SNTG2: variants seen among roughly 807,000 people sequenced by gnomAD.
SNTG2 encodes syntrophin gamma 2.
In SNTG2, 74 loss-of-function variants were observed where a neutral mutation model predicts 70.9. The observed-to-expected ratio is 1.04, with a 90% CI of 0.86 to 1.27. The LOEUF is 1.27. SNTG2 is among the 50% of genes most tolerant of loss of function. The pLI, the probability that SNTG2 is intolerant of heterozygous loss-of-function variation, is 0.00. For synonymous variants in SNTG2, 278 were observed against 273.8 expected (o/e 1.02, Z -0.15); for missense variants, 717 against 690.7 (o/e 1.04, Z -0.43).
chr2:1,244,122 C>G (rs531148383), intron 11 of SNTG2, among the ~76,000 whole-genome samples: 1 of 150,328 alleles, frequency 6.7e-6, no homozygotes, highest in South Asian at 2.1e-4. Context: ...CTTTAAATCT[C>G]TCTACCCCGT....
At chr2:1,180,906 A>C (rs1671841410) in intron 8 of SNTG2, among the ~76,000 whole-genome samples, 1 of 152,184 alleles carries the variant, frequency 6.6e-6, no homozygotes, top group Non-Finnish European at 1.5e-5. Flanking sequence ...TGATGAGTTC[A>C]TGTCCTTTAT....
intron 1 of SNTG2, among the ~76,000 whole-genome samples, chr2:988,604 G>A (rs1661401466): frequency 6.6e-6 from 1 of 152,164 alleles, no homozygotes; most frequent in African/African-American, 2.4e-5. Flanking sequence ...TTAGGCAGTT[G>A]TGAATAAAGT....
chr2:1,236,172 T>G (rs1676644414), intron 9 of SNTG2, among the ~76,000 whole-genome samples: 1 of 152,238 alleles, frequency 6.6e-6, no homozygotes, highest in South Asian at 2.1e-4. Flanking sequence ...AGTTAGCACT[T>G]ACTTTAATAA....
chr2:1,038,661 G>A (rs1661266087), intron 1 of SNTG2, among the ~76,000 whole-genome samples: 1 of 152,182 alleles, frequency 6.6e-6, no homozygotes. Context: ...TTATAAAATA[G>A]TAACTGTAAT....
chr2:1,100,064 A>G (rs138939485), intron 4 of SNTG2, among the ~76,000 whole-genome samples: 1 of 152,174 alleles, frequency 6.6e-6, no homozygotes, highest in Non-Finnish European at 1.5e-5. Context: ...TTTAAGTGTG[A>G]TAAGAAATAC....
At chr2:1,257,553 CA>C (rs1678193743) in intron 12 of SNTG2, among the ~76,000 whole-genome samples, 1 of 152,178 alleles carries the variant, frequency 6.6e-6, no homozygotes, top group Non-Finnish European at 1.5e-5. Context: ...CTTCTGCGAA[CA>C]ACAAAGAGCA....
rs549768267 is a variant in SNTG2, at chr2:1,085,960, G to A, written c.210+2305G>A. 2.8e-4 allele frequency among the ~76,000 whole-genome samples: 42 copies of A among 152,330 alleles called. No homozygotes were observed. In the South Asian group the frequency reaches 8.7e-3, roughly 32 times the overall value. ...TATGTTAGGTCACGGTAGATTTGCA[G>A]TTGGAAAGTATTTTAGAAAATTTCA... On this transcript the variant is annotated intron_variant, in intron 2 of 16. Coordinates refer to ENST00000308624, the MANE Select transcript of SNTG2 (RefSeq NM_018968.4).
chr2:1,243,991 A>C (rs76106444), intron 11 of SNTG2, among the ~76,000 whole-genome samples: 4,230 of 152,198 alleles, frequency 0.028, 197 homozygotes, highest in African/African-American at 0.097. Context: ...GTGCCACTGC[A>C]CTCCAGCCCG....
rs539489302 is a variant in SNTG2, at chr2:1,065,351, G to C, written c.73-18167G>C. Among the ~76,000 whole-genome samples, 226 of 152,198 alleles carry C rather than the reference G, an allele frequency of 1.5e-3. 1 individual carries two copies. The highest frequency in any genetic ancestry group is 3.4e-3 in the Middle Eastern group (1 of 294). On this transcript the variant is annotated intron_variant, in intron 1 of 16. Coordinates refer to ENST00000308624, the MANE Select transcript of SNTG2 (RefSeq NM_018968.4). ...TTGTCTAAACCATAAATAGTCACAG[G>C]GAACATATTCATGATTACATTGAGA...
chr2:1,223,556 C>T (rs1675513712), intron 9 of SNTG2, among the ~76,000 whole-genome samples: 1 of 152,214 alleles, frequency 6.6e-6, no homozygotes, highest in African/African-American at 2.4e-5. Context: ...GAACCCCTCA[C>T]CTCAATTTCC....
At chr2:1,297,257 C>T (rs887055669) in intron 14 of SNTG2, among the ~76,000 whole-genome samples, 6 of 152,210 alleles carry the variant, frequency 3.9e-5, no homozygotes, top group African/African-American at 1.2e-4. Flanking sequence ...ATACTCATCA[C>T]CTGAAGGTGG....
At position 1,353,328 on chromosome 2, in the gene SNTG2, G is replaced by A. The variant is rs759130371; in HGVS notation, c.1489-14015G>A. ...TACAGCCTCATCGTATAAACATAAG[G>A]AAGTGCCTGGGGCCCTGGCTTGGAC... On this transcript the variant is annotated intron_variant, in intron 16 of 16. Coordinates refer to ENST00000308624, the MANE Select transcript of SNTG2 (RefSeq NM_018968.4). The surrounding 1 kb of genome is among the most constrained non-coding windows in gnomAD (Gnocchi z 4.2). 5.3e-5 allele frequency among the ~76,000 whole-genome samples: 8 copies of A among 152,182 alleles called. No homozygotes were observed. The highest frequency in any genetic ancestry group is 7.3e-5 in the Non-Finnish European group (5 of 68,048).
chr2:1,257,702 G>A (rs900733757), intron 12 of SNTG2, among the ~76,000 whole-genome samples: 1 of 152,174 alleles, frequency 6.6e-6, no homozygotes. Context: ...ATCACAGCAC[G>A]ATGACAGCGG....
chr2:1,235,670 C>A (rs1187550911), intron 9 of SNTG2, among the ~76,000 whole-genome samples: 9 of 152,330 alleles, frequency 5.9e-5, no homozygotes, highest in African/African-American at 1.9e-4. Context: ...CCCCACGCTG[C>A]CCCAGGATCC....
chr2:1,003,869 T>G, intron 1 of SNTG2, among the ~76,000 whole-genome samples: 1 of 152,210 alleles, frequency 6.6e-6, no homozygotes, highest in East Asian at 1.9e-4. Flanking sequence ...TACATAAACT[T>G]TTTGTTATTT....
Position 1,137,864 on chromosome 2 carries a change from T to C in SNTG2, c.411+55T>C, listed in dbSNP as rs1001418077. The stretch of plus-strand genomic sequence containing the variant: ...GTTTATTATTCTTGTATTTGAATTA[T>C]TTGTCTCTATAGTTGATATTTCACT... On this transcript the variant is annotated intron_variant, in intron 6 of 16. Transcript: ENST00000308624. The C allele has an allele frequency of 2.6e-5, 38 of 1,483,556 alleles. No individual in the cohort carries two copies. The African/African-American group carries it at 3.6e-4, about 14-fold the overall frequency. 91.9% of individuals were successfully genotyped at this position (1,483,556 alleles called of 1,614,324 possible).
chr2:1,280,707 A>G (rs1679474970), intron 14 of SNTG2, among the ~76,000 whole-genome samples: 1 of 152,268 alleles, frequency 6.6e-6, no homozygotes, highest in Admixed American at 6.5e-5. Flanking sequence ...GAAGCAAATT[A>G]CGAATTACAA....
chr2:1,292,441 G>C (rs944367409), intron 14 of SNTG2, among the ~76,000 whole-genome samples: 1 of 152,108 alleles, frequency 6.6e-6, no homozygotes, highest in African/African-American at 2.4e-5. Flanking sequence ...TAAAGAAAAA[G>C]CTTTCAGTCT....
intron 13 of SNTG2, among the ~76,000 whole-genome samples, chr2:1,266,527 A>G (rs1392069392): frequency 6.6e-6 from 1 of 152,202 alleles, no homozygotes; most frequent in Non-Finnish European, 1.5e-5. Flanking sequence ...GGTTGGCAGA[A>G]TGAGCTCCTG....
Sources: gnomAD v4.1 joint callset for allele counts (sites outside exome capture counted in the v4.1 genomes callset) on GRCh38, gnomAD v4.1.1 for gene constraint, Gnocchi (gnomAD v3.1) non-coding constraint, MANE v1.5 for transcripts, NCBI Gene and HGNC (gene_info 2026-07-23, HGNC 2026-07-21) for gene names.